Variants in SH3BGRL2 observed in about 807,000 individuals in gnomAD.
SH3BGRL2 encodes SH3 domain-binding glutamic acid-rich-like protein 2.
In SH3BGRL2, 21 loss-of-function variants were observed where a neutral mutation model predicts 14.8. The observed-to-expected ratio is 1.42, with a 90% CI of 1.01 to 2.05. The LOEUF (loss-of-function observed/expected upper bound fraction) is 2.05, where lower values mean the gene tolerates loss of function less well. Among genes scored for constraint, SH3BGRL2 ranks in the 30% most tolerant of loss-of-function variants. The pLI, the probability that SH3BGRL2 is intolerant of heterozygous loss-of-function variation, is 0.00. For missense variants in SH3BGRL2, 147 were observed against 130.8 expected (o/e 1.12, Z -0.61); for synonymous variants, 50 against 47.8 (o/e 1.05, Z -0.19).
intron 1 of SH3BGRL2, among the ~76,000 whole-genome samples, chr6:79,641,300 G>A (rs1419602665): frequency 1.3e-5 from 2 of 152,012 alleles, no homozygotes; most frequent in Non-Finnish European, 2.9e-5. Flanking sequence ...ACCTTTATAA[G>A]CCTGGGCCCT....
At chr6:79,685,139 G>A (rs900863605) in intron 2 of SH3BGRL2, among the ~76,000 whole-genome samples, 1 of 152,158 alleles carries the variant, frequency 6.6e-6, no homozygotes, top group Non-Finnish European at 1.5e-5. Context: ...ATATTCTACA[G>A]TGATGAATTC....
Position 79,697,893 on chromosome 6 carries a change from T to C in SH3BGRL2, c.312+1328T>C, listed in dbSNP as rs1249322773. 2.0e-5 allele frequency among the ~76,000 whole-genome samples: 3 copies of C among 152,332 alleles called. No individual in the cohort carries two copies. The East Asian group carries it at 5.8e-4, about 29-fold the overall frequency. On this transcript the variant is annotated intron_variant, in intron 3 of 3. Transcript: ENST00000369838. ...GCAAAAACCTTTTAAAAAATACTGC[T>C]TGTTCCCATTTTCCCCAAATATGTA...
the SH3BGRL2 span, among the ~76,000 whole-genome samples, chr6:79,542,019 TC>T: frequency 2.0e-5 from 3 of 152,164 alleles, no homozygotes; most frequent in Admixed American, 6.5e-5. Context: ...TTCTGGGACT[TC>T]CTAGAGAGTG....
chr6:79,678,161 A>G (rs375035536), intron 2 of SH3BGRL2, among the ~76,000 whole-genome samples: 2 of 152,214 alleles, frequency 1.3e-5, no homozygotes, highest in African/African-American at 2.4e-5. Context: ...ATAAAAACAT[A>G]TAACACTTAC....
At chr6:79,670,905 T>C (rs899851756) in intron 1 of SH3BGRL2, among the ~76,000 whole-genome samples, 1 of 152,222 alleles carries the variant, frequency 6.6e-6, no homozygotes, top group African/African-American at 2.4e-5. Flanking sequence ...CTTTGTGTTT[T>C]CATTCATTTA....
At chr6:79,689,493 C>G (rs1477744429) in intron 2 of SH3BGRL2, among the ~76,000 whole-genome samples, 1 of 152,004 alleles carries the variant, frequency 6.6e-6, no homozygotes, top group Admixed American at 6.6e-5. Context: ...TTAATATGGA[C>G]AAATGGATTA....
At chr6:79,595,505 C>T in the SH3BGRL2 span, among the ~76,000 whole-genome samples, 16 of 152,076 alleles carry the variant, frequency 1.1e-4, no homozygotes, top group African/African-American at 3.9e-4. Flanking sequence ...AACAAATGGC[C>T]TGTGAATGTA....
chr6:79,631,706 A>C (rs1465735576), intron 1 of SH3BGRL2, among the ~76,000 whole-genome samples, 200 bp downstream of exon 1: 2 of 152,192 alleles, frequency 1.3e-5, no homozygotes, highest in African/African-American at 4.8e-5. Context: ...GGCCTCACCC[A>C]AATGCCCACC....
At chr6:79,674,545 A>G (rs748413289) in intron 2 of SH3BGRL2, among the ~76,000 whole-genome samples, 2 of 152,172 alleles carry the variant, frequency 1.3e-5, no homozygotes, top group Admixed American at 6.5e-5. Context: ...GACCTGTACT[A>G]TAGTTATTTA....
intron 1 of SH3BGRL2, among the ~76,000 whole-genome samples, chr6:79,646,613 G>A (rs1385635255): frequency 1.3e-5 from 2 of 152,180 alleles, no homozygotes; most frequent in Admixed American, 6.5e-5. Flanking sequence ...TTTTGTGTGT[G>A]TGTATGTTTA....
the SH3BGRL2 span, among the ~76,000 whole-genome samples, chr6:79,584,289 CTGT>C: frequency 4.6e-5 from 7 of 152,158 alleles, no homozygotes; most frequent in African/African-American, 1.7e-4. Context: ...GAATGCATAT[CTGT>C]TGTTCAAGGA....
At chr6:79,544,089 G>A in the SH3BGRL2 span, among the ~76,000 whole-genome samples, 1 of 152,080 alleles carries the variant, frequency 6.6e-6, no homozygotes, top group African/African-American at 2.4e-5. Flanking sequence ...TGGGTTCTCA[G>A]TTCCTGTTTC....
chr6:79,703,168 C>G lies in SH3BGRL2; in HGVS notation c.*3659C>G, dbSNP rs1223124765. ...GTTCATCCTTTCTGTCAGCATGGAT[C>G]AAGCCCCTAAAATGTGGTAAGTGTT... On this transcript the variant is annotated 3_prime_UTR_variant, in exon 4 of 4. Transcript: ENST00000369838. 1 of 152,134 alleles carries G rather than the reference C, an allele frequency of 6.6e-6. No individual in the cohort carries two copies. Among genetic ancestry groups the G allele is most frequent in the African/African-American group, 2.4e-5 (1 of 41,426 alleles). The allele number at this position is 152,134 out of a possible 1,614,324, so 9.4% of individuals were successfully genotyped here.
chr6:79,685,336 CA>C (rs1450743902), intron 2 of SH3BGRL2, among the ~76,000 whole-genome samples: 6 of 152,090 alleles, frequency 3.9e-5, no homozygotes, highest in African/African-American at 1.4e-4. Context: ...GAAGAGAGAA[CA>C]AAACTGTTAA....
chr6:79,570,964 A>G, the SH3BGRL2 span, among the ~76,000 whole-genome samples: 1 of 152,240 alleles, frequency 6.6e-6, no homozygotes, highest in African/African-American at 2.4e-5. Flanking sequence ...GGTGGCAACA[A>G]ATGGAAGAAC....
intron 1 of SH3BGRL2, among the ~76,000 whole-genome samples, chr6:79,662,356 C>G (rs1336938342): frequency 6.6e-6 from 1 of 152,182 alleles, no homozygotes; most frequent in African/African-American, 2.4e-5. Context: ...GACAAAATCT[C>G]TCAGCATTTG....
At chr6:79,673,835 T>C in intron 2 of SH3BGRL2, 36 bp downstream of exon 2, 1 of 1,596,044 alleles carries the variant, frequency 6.3e-7, no homozygotes, top group Non-Finnish European at 8.5e-7. Flanking sequence ...TGTTTCTTTT[T>C]ATTGTTCAGA....
intron 1 of SH3BGRL2, among the ~76,000 whole-genome samples, chr6:79,671,265 G>A (rs1051000306): frequency 6.6e-6 from 1 of 152,078 alleles, no homozygotes; most frequent in Non-Finnish European, 1.5e-5. Flanking sequence ...TCGGGAGTTC[G>A]AGTTCAGCCT....
chr6:79,615,849 T>C, the SH3BGRL2 span, among the ~76,000 whole-genome samples: 15,249 of 144,740 alleles, frequency 0.11, 1,371 homozygotes, highest in East Asian at 0.53. Flanking sequence ...TTTTTTTTTT[T>C]AGACAAGAGT....
Sources: allele counts gnomAD v4.1 joint callset (sites outside exome capture counted in the v4.1 genomes callset), GRCh38; gene constraint gnomAD v4.1.1; transcripts MANE v1.5; gene names NCBI Gene and HGNC (gene_info 2026-07-23, HGNC 2026-07-21).